The following BLTP1 variants were observed in gnomAD, a reference collection of about 807,000 sequenced individuals.
The protein encoded by BLTP1 is bridge-like lipid transfer protein family member 1.
At chr4:122,179,565 C>A in the BLTP1 span, among the ~76,000 whole-genome samples, 1 of 152,074 alleles carries the variant, frequency 6.6e-6, no homozygotes, top group African/African-American at 2.4e-5. Context: ...TTTTATGTGG[C>A]AACACTCCTT....
the BLTP1 span, chr4:122,246,946 C>G: frequency 7.1e-7 from 1 of 1,406,846 alleles, no homozygotes; most frequent in South Asian, 1.6e-5. Context: ...AATTTCAAAT[C>G]TTAATTTATA....
the BLTP1 span, chr4:122,214,175 T>G: frequency 1.1e-6 from 1 of 951,548 alleles, no homozygotes; most frequent in Non-Finnish European, 1.3e-6. Flanking sequence ...TTTTTTCTGT[T>G]TTGAGAAATG....
chr4:122,256,703 G>C, the BLTP1 span: 1 of 196,274 alleles, frequency 5.1e-6, no homozygotes, highest in African/African-American at 2.4e-5. Context: ...TCACCATGTG[G>C]AATAAAATGT....
At chr4:122,204,825 A>G in the BLTP1 span, 1 of 869,176 alleles carries the variant, frequency 1.2e-6, no homozygotes, top group African/African-American at 1.8e-5. Context: ...GTAGGAGTAA[A>G]AGATTTGAGG....
the BLTP1 span, chr4:122,255,254 A>C: frequency 6.2e-7 from 1 of 1,608,174 alleles, no homozygotes; most frequent in Non-Finnish European, 8.5e-7. Context: ...GCACCAGGCA[A>C]ATTACTCCAT....
chr4:122,192,502 A>G, the BLTP1 span: 3 of 676,278 alleles, frequency 4.4e-6, no homozygotes, highest in Middle Eastern at 4.3e-4. Context: ...AGATATCACT[A>G]AACATTTTGA....
the BLTP1 span, chr4:122,346,679 A>G: frequency 6.2e-7 from 1 of 1,613,556 alleles, no homozygotes; most frequent in Non-Finnish European, 8.5e-7. Flanking sequence ...ACTCAGTGAA[A>G]TTCTGGCATT....
the BLTP1 span, chr4:122,313,681 G>A: frequency 6.4e-7 from 1 of 1,552,716 alleles, no homozygotes; most frequent in Non-Finnish European, 8.8e-7. Context: ...AGGACAAGCA[G>A]CAGCTGGTAG....
the BLTP1 span, chr4:122,313,717 T>G: frequency 1.6e-6 from 2 of 1,272,284 alleles, no homozygotes; most frequent in Non-Finnish European, 2.2e-6. Context: ...TATTTTATGT[T>G]AGATAGAATT....
chr4:122,169,714 CAT>C, the BLTP1 span: 11 of 981,496 alleles, frequency 1.1e-5, no homozygotes, highest in African/African-American at 1.0e-4. Context: ...TATATGCACA[CAT>C]ATGTGTATGC....
At chr4:122,276,380 T>C in the BLTP1 span, 1 of 861,500 alleles carries the variant, frequency 1.2e-6, no homozygotes, top group Non-Finnish European at 1.4e-6. Context: ...GAGTTTTCAC[T>C]AATTGTAGAA....
At chr4:122,321,577 G>A in the BLTP1 span, among the ~76,000 whole-genome samples, 1 of 151,942 alleles carries the variant, frequency 6.6e-6, no homozygotes, top group Non-Finnish European at 1.5e-5. Flanking sequence ...GATATATATA[G>A]TCAAATACAT....
chr4:122,240,643 A>G, the BLTP1 span, among the ~76,000 whole-genome samples: 1 of 152,180 alleles, frequency 6.6e-6, no homozygotes, highest in Non-Finnish European at 1.5e-5. Context: ...CTGAATTCAT[A>G]TCTTCCGTGT....
At chr4:122,285,194 A>G in the BLTP1 span, among the ~76,000 whole-genome samples, 3 of 152,200 alleles carry the variant, frequency 2.0e-5, no homozygotes, top group South Asian at 6.2e-4. Flanking sequence ...TAGAGTAAAC[A>G]TATTGTTAAA....
chr4:122,206,336 CA>C, the BLTP1 span, among the ~76,000 whole-genome samples: 3 of 151,440 alleles, frequency 2.0e-5, no homozygotes, highest in African/African-American at 7.3e-5. Context: ...TCAAGTAAAA[CA>C]AAACAAAAAA....
At chr4:122,244,499 AAATT>A in the BLTP1 span, 5 of 258,718 alleles carry the variant, frequency 1.9e-5, no homozygotes, top group South Asian at 1.4e-4. Flanking sequence ...CTGTATATTC[AAATT>A]AATTATTATA....
At chr4:122,184,212 G>A in the BLTP1 span, among the ~76,000 whole-genome samples, 26 of 152,268 alleles carry the variant, frequency 1.7e-4, no homozygotes, top group Admixed American at 7.2e-4. Context: ...AAGTGAATGT[G>A]TCAAAAGCCA....
chr4:122,221,853 T>G, the BLTP1 span: 1 of 983,362 alleles, frequency 1.0e-6, no homozygotes, highest in East Asian at 1.1e-4. Context: ...CTTAGATGAC[T>G]ATCCCTGGTT....
At chr4:122,349,633 C>T in the BLTP1 span, 2 of 1,599,278 alleles carry the variant, frequency 1.3e-6, no homozygotes, top group Non-Finnish European at 1.7e-6. This position sits in a 1 kb window ranked among gnomAD's most constrained non-coding sequence, Gnocchi z 4.5. Context: ...TCAAGCATAA[C>T]TGATAAAAGG....
Sources: gnomAD v4.1 joint callset for allele counts (sites outside exome capture counted in the v4.1 genomes callset) on GRCh38, gnomAD v4.1.1 for gene constraint, Gnocchi (gnomAD v3.1) non-coding constraint, MANE v1.5 for transcripts, NCBI Gene and HGNC (gene_info 2026-07-23, HGNC 2026-07-21) for gene names.